Variants in ITPR1 observed in about 807,000 individuals in gnomAD.
ITPR1 encodes the protein inositol 1,4,5-trisphosphate receptor type 1, also known as inositol 1,4,5-trisphosphate-gated calcium channel ITPR1.
Under a neutral mutation model 318.4 loss-of-function variants are expected in ITPR1, and 96 were observed. The observed-to-expected ratio is 0.30, with a 90% CI of 0.26 to 0.36. The LOEUF (loss-of-function observed/expected upper bound fraction) is 0.36. Among genes scored for constraint, ITPR1 ranks in the 10% least tolerant of loss-of-function variants. The pLI, the probability that ITPR1 is intolerant of heterozygous loss-of-function variation, is 1.00. For missense variants in ITPR1, 2,440 were observed against 3,460.2 expected (o/e 0.71, Z 7.40); for synonymous variants, 1,312 against 1,289.9 (o/e 1.02, Z -0.37).
At chr3:4,706,658 A>T (rs991743846) in intron 37 of ITPR1, among the ~76,000 whole-genome samples, 2 of 152,186 alleles carry the variant, frequency 1.3e-5, no homozygotes, top group African/African-American at 4.8e-5. Context: ...TTAGAGTAAG[A>T]GCATAAATGT....
chr3:4,676,711 T>C lies in ITPR1; in HGVS notation c.2877T>C (p.Ala959=), dbSNP rs1173015264. Residue 959 remains alanine, a synonymous_variant, in exon 24 of 62, where the codon GCT becomes GCC. Transcript: ENST00000649015. ...GGFLPMTPMA[A]APEGNVKQAE... ...TTTTGCCCATGACTCCCATGGCTGCTGCCCCTGAAGGCAATGTGAAGCAGG... is the reference window on the plus strand; with the variant it reads ...TTTTGCCCATGACTCCCATGGCTGCCGCCCCTGAAGGCAATGTGAAGCAGG... 2 of 1,613,800 alleles carry C rather than the reference T, an allele frequency of 1.2e-6. No individual in the cohort carries two copies. Among genetic ancestry groups the C allele is most frequent in the Non-Finnish European group, 1.7e-6 (2 of 1,179,802 alleles).
chr3:4,795,014 G>T, intron 52 of ITPR1, 51 bp from the exon 53 acceptor site: 1 of 1,518,622 alleles, frequency 6.6e-7, no homozygotes, highest in Non-Finnish European at 8.9e-7. Flanking sequence ...CATTCCTGGC[G>T]TTCCGGCTTG....
chr3:4,797,135 G>T (rs3805018), intron 53 of ITPR1, among the ~76,000 whole-genome samples: 88,268 of 151,080 alleles, frequency 0.58, 25,863 homozygotes, highest in South Asian at 0.66. Flanking sequence ...TCAGAGCTCC[G>T]AGGAGATTTG....
chr3:4,675,306 G>T, intron 23 of ITPR1, 58 bp downstream of exon 23: 3 of 1,262,918 alleles, frequency 2.4e-6, no homozygotes, highest in South Asian at 2.6e-5. Context: ...TTCCTGTTAT[G>T]CTCATGTCAT....
At chr3:4,674,507 C>T (rs1245298334) in intron 22 of ITPR1, among the ~76,000 whole-genome samples, 164 bp downstream of exon 22, 2 of 152,064 alleles carry the variant, frequency 1.3e-5, no homozygotes, top group Admixed American at 1.3e-4. Flanking sequence ...TAAAATAAAA[C>T]GGATACCAGT....
At chr3:4,816,432 G>T (rs921813673) in intron 59 of ITPR1, among the ~76,000 whole-genome samples, 1 of 152,208 alleles carries the variant, frequency 6.6e-6, no homozygotes, top group African/African-American at 2.4e-5. Context: ...TGTAATGCCA[G>T]TTCATCTTGT....
chr3:4,620,812 C>T (rs572677245), intron 4 of ITPR1, among the ~76,000 whole-genome samples: 3 of 150,412 alleles, frequency 2.0e-5, no homozygotes, highest in South Asian at 4.2e-4. Context: ...GAATTTGAAT[C>T]GGGAGATTGG....
rs915930421 is a variant in ITPR1, at chr3:4,771,745, TA to T, written c.5979+2991del. 6.2e-4 allele frequency among the ~76,000 whole-genome samples: 91 copies of T among 147,746 alleles called. 2 individuals carry two copies. Among genetic ancestry groups the T allele is most frequent in the Admixed American group, 1.1e-3 (16 of 14,854 alleles). On this transcript the variant is annotated intron_variant, in intron 46 of 61. Transcript: ENST00000649015. ...TAGTATATTTTAACATATTTTAACT[TA>T]AAAAAAAAAGACCTAGCAACATAAT... is the stretch of plus-strand genomic sequence containing the variant.
chr3:4,627,989 G>A (rs933070642), intron 5 of ITPR1, 111 bp downstream of exon 5: 11 of 643,886 alleles, frequency 1.7e-5, no homozygotes, highest in Middle Eastern at 8.8e-4. Flanking sequence ...CTAGCAGCCA[G>A]CTTTCTACTT....
intron 4 of ITPR1, among the ~76,000 whole-genome samples, chr3:4,621,284 A>G (rs1001341770): frequency 3.3e-5 from 5 of 152,170 alleles, no homozygotes; most frequent in African/African-American, 1.2e-4. Flanking sequence ...GTCATGGCAG[A>G]AGGTGAAGGG....
intron 4 of ITPR1, among the ~76,000 whole-genome samples, chr3:4,584,989 G>C (rs1410045591): frequency 6.6e-6 from 1 of 152,208 alleles, no homozygotes; most frequent in Non-Finnish European, 1.5e-5. Flanking sequence ...AATGAAAACT[G>C]ACTTGCCCAC....
At chr3:4,799,310 G>T (rs559973169) in intron 53 of ITPR1, among the ~76,000 whole-genome samples, 1 of 152,356 alleles carries the variant, frequency 6.6e-6, no homozygotes, top group South Asian at 2.1e-4. Flanking sequence ...TGCACTTCTT[G>T]AATTTCTGAG....
intron 60 of ITPR1, among the ~76,000 whole-genome samples, chr3:4,821,902 T>C (rs997976111): frequency 3.9e-5 from 6 of 152,228 alleles, no homozygotes; most frequent in African/African-American, 1.4e-4. Context: ...TTAAACATAA[T>C]AGATCATATA....
intron 51 of ITPR1, among the ~76,000 whole-genome samples, chr3:4,786,663 G>A (rs1282447905): frequency 6.6e-6 from 1 of 152,184 alleles, no homozygotes; most frequent in African/African-American, 2.4e-5. Flanking sequence ...ACACAATCAA[G>A]TGCGCTAGAA....
Position 4,808,172 on chromosome 3 carries a change from G to A in ITPR1, c.7272+1905G>A, listed in dbSNP as rs376647079. 6.2e-4 allele frequency among the ~76,000 whole-genome samples: 94 copies of A among 152,340 alleles called. 2 individuals are homozygous for A. In the South Asian group the frequency reaches 0.019, roughly 32 times the overall value. ...TCAGGAGCACATTACAGGGACAGCC[G>A]TTTTGTGAGTGGTCACCCTGCACTC... is the stretch of plus-strand genomic sequence containing the variant. On this transcript the variant is annotated intron_variant, in intron 55 of 61. Transcript: ENST00000649015.
Position 4,642,080 on chromosome 3 carries a change from G to T in ITPR1, c.367-13G>T. 1.3e-6 allele frequency: 2 copies of T among 1,567,036 alleles called. No individual in the cohort carries two copies. The highest frequency in any genetic ancestry group is 1.7e-6 in the Non-Finnish European group (2 of 1,157,894). On this transcript the variant is annotated splice_polypyrimidine_tract_variant and intron_variant, in intron 6 of 61. Coordinates refer to ENST00000649015, the MANE Select transcript of ITPR1 (RefSeq NM_001378452.1). The stretch of plus-strand genomic sequence containing the variant: ...TTGCTGACACTCACTTTATTCTCTT[G>T]GTGGGTTTTTAGCTCCTGCATTTGA...
intron 10 of ITPR1, among the ~76,000 whole-genome samples, chr3:4,650,794 G>T (rs571645947): frequency 6.6e-6 from 1 of 152,116 alleles, no homozygotes; most frequent in African/African-American, 2.4e-5. Flanking sequence ...GCAGACATGT[G>T]CTGGGTCATT....
intron 46 of ITPR1, among the ~76,000 whole-genome samples, chr3:4,772,863 C>T (rs1234980675): frequency 6.6e-6 from 1 of 152,194 alleles, no homozygotes; most frequent in African/African-American, 2.4e-5. Context: ...ACTCTGAAAG[C>T]CATGAGAGAT....
chr3:4,554,101 A>G (rs773570088), intron 4 of ITPR1, among the ~76,000 whole-genome samples: 30 of 152,254 alleles, frequency 2.0e-4, no homozygotes, highest in Non-Finnish European at 3.4e-4. Flanking sequence ...CACTAAATGT[A>G]TTATGTTCAT....
Sources: allele counts gnomAD v4.1 joint callset (sites outside exome capture counted in the v4.1 genomes callset), GRCh38; gene constraint gnomAD v4.1.1; transcripts MANE v1.5; gene names NCBI Gene and HGNC (gene_info 2026-07-23, HGNC 2026-07-21).